CPPED1: variants seen among roughly 807,000 people sequenced by gnomAD.
CPPED1 encodes serine/threonine-protein phosphatase CPPED1.
In CPPED1, 28 loss-of-function variants were observed where a neutral mutation model predicts 28.0. That is an observed-to-expected ratio of 1.00 (90% CI 0.74 to 1.37). The LOEUF is 1.37. Ranked by LOEUF, CPPED1 falls within the 40% of genes most tolerant of loss-of-function variation. The pLI is 0.00. For missense variants in CPPED1, 504 were observed against 416.5 expected (o/e 1.21, Z -1.83); for synonymous variants, 198 against 180.2 (o/e 1.10, Z -0.79).
In CPPED1 at chr16:12,768,045, G is replaced by C. The variant is rs116365737; in HGVS notation, c.289+13140C>G. 4.5e-3 allele frequency among the ~76,000 whole-genome samples: 678 copies of C among 152,256 alleles called. 10 individuals carry two copies. Among genetic ancestry groups the C allele is most frequent in the African/African-American group, 0.015 (640 of 41,558 alleles). ...AAGTTTCATAAAAATTTTCTTTAAA[G>C]ATAAGATTTTCCAGGAAAAGCTGAA... On this transcript the variant is annotated intron_variant, in intron 2 of 3. Coordinates refer to ENST00000381774, the MANE Select transcript of CPPED1 (RefSeq NM_018340.3).
chr16:12,691,893 A>C (rs112921085), intron 3 of CPPED1, among the ~76,000 whole-genome samples: 1 of 140,988 alleles, frequency 7.1e-6, no homozygotes, highest in Non-Finnish European at 1.5e-5. Context: ...CAGCACACCA[A>C]CATGGCACAT....
At chr16:12,791,149 C>T (rs1416423151) in intron 1 of CPPED1, among the ~76,000 whole-genome samples, 1 of 151,608 alleles carries the variant, frequency 6.6e-6, no homozygotes. Context: ...GCTGCCCCAT[C>T]AACCCGTCCT....
intron 2 of CPPED1, among the ~76,000 whole-genome samples, chr16:12,753,635 C>T (rs750122056): frequency 1.3e-5 from 2 of 152,124 alleles, no homozygotes; most frequent in South Asian, 4.2e-4. Context: ...CAAGTCTCAA[C>T]AACCCCAGCC....
At chr16:12,728,749 T>G (rs1195789964) in intron 2 of CPPED1, among the ~76,000 whole-genome samples, 1 of 152,138 alleles carries the variant, frequency 6.6e-6, no homozygotes, top group African/African-American at 2.4e-5. Context: ...TCAAATGAAG[T>G]GAGCTATAAC....
chr16:12,714,031 A>G (rs569837850), intron 2 of CPPED1, among the ~76,000 whole-genome samples: 2 of 152,334 alleles, frequency 1.3e-5, no homozygotes, highest in South Asian at 4.1e-4. Context: ...AGAATCATAT[A>G]AAATGTAGGC....
rs2080419921 is a variant in CPPED1 at position 12,763,185 on chromosome 16, T to C, written c.289+18000A>G. Among the ~76,000 whole-genome samples the C allele has an allele frequency of 2.7e-5, 4 of 150,722 alleles. No homozygotes were observed. The South Asian group carries it at 8.4e-4, about 32-fold the overall frequency. ...AGGCGGAGGGTGCAGTGAGCCGAGA[T>C]GGTGCCATTGCACTCCAGCCTGGGC... On this transcript the variant is annotated intron_variant, in intron 2 of 3. Coordinates refer to ENST00000381774, the MANE Select transcript of CPPED1 (RefSeq NM_018340.3).
intron 2 of CPPED1, among the ~76,000 whole-genome samples, chr16:12,740,147 T>G (rs540761809): frequency 1.5e-4 from 23 of 152,278 alleles, no homozygotes; most frequent in Middle Eastern, 3.4e-3. Flanking sequence ...AGCCCTGCTT[T>G]ATTTAAGATA....
chr16:12,773,361 C>A (rs913117311), intron 2 of CPPED1, among the ~76,000 whole-genome samples: 4 of 152,150 alleles, frequency 2.6e-5, no homozygotes, highest in Non-Finnish European at 5.9e-5. Flanking sequence ...CTGATATACA[C>A]CATTATCAGT....
chr16:12,735,419 C>A (rs1285732144), intron 2 of CPPED1, among the ~76,000 whole-genome samples: 1 of 152,236 alleles, frequency 6.6e-6, no homozygotes, highest in South Asian at 2.1e-4. Flanking sequence ...AGCGTTCCGC[C>A]TCAGCCTCCT....
chr16:12,794,935 C>A (rs953458933), intron 1 of CPPED1, among the ~76,000 whole-genome samples: 1 of 152,202 alleles, frequency 6.6e-6, no homozygotes, highest in East Asian at 1.9e-4. Flanking sequence ...CGTGGCCAGG[C>A]GGCTTTTGGC....
chr16:12,724,815 G>A (rs4780473), intron 2 of CPPED1, among the ~76,000 whole-genome samples: 2 of 152,076 alleles, frequency 1.3e-5, no homozygotes, highest in South Asian at 4.1e-4. Flanking sequence ...GAGACGGAGT[G>A]TCACTCTGTC....
chr16:12,781,228 G>C lies in CPPED1; in HGVS notation c.246C>G (p.Pro82=). The change falls in exon 2 of 4, where the codon CCC becomes CCG. Residue 82 remains proline (P), a synonymous_variant. Transcript: ENST00000381774. ...GGTCGCCGCACAGAACGAAGAATTTGGGTTTGGGGTTCAGCTTGTTGATGG... is the reference window on the plus strand; with the variant it reads ...GGTCGCCGCACAGAACGAAGAATTTCGGTTTGGGGTTCAGCTTGTTGATGG... ...VQAINKLNPK[P]KFFVLCGDLI... 6.2e-7 allele frequency: 1 copy of C among 1,614,106 alleles called. No individual in the cohort carries two copies. Among genetic ancestry groups the C allele is most frequent in the Non-Finnish European group, 8.5e-7 (1 of 1,180,010 alleles).
chr16:12,688,994 G>A (rs1431429103), intron 3 of CPPED1, among the ~76,000 whole-genome samples: 1 of 151,934 alleles, frequency 6.6e-6, no homozygotes, highest in African/African-American at 2.4e-5. Context: ...TTAAGATTTG[G>A]GTCTGTTTAT....
intron 2 of CPPED1, among the ~76,000 whole-genome samples, chr16:12,730,997 T>C (rs1301105827): frequency 6.6e-6 from 1 of 152,048 alleles, no homozygotes; most frequent in African/African-American, 2.4e-5. Context: ...TTGACCACTG[T>C]CCTTCTCACC....
rs2141237365 is a variant in CPPED1, at chr16:12,778,854, C to T, written c.289+2331G>A. On this transcript the variant is annotated intron_variant, in intron 2 of 3. Transcript: ENST00000381774. The stretch of plus-strand genomic sequence containing the variant: ...TTCAATTAAAACCCCAGAAAACAGT[C>T]CAAGTCTCCAGAACAAATTATACAT... Among the ~76,000 whole-genome samples the T allele has an allele frequency of 1.3e-5, 2 of 152,312 alleles. 1 individual carries two copies. The highest frequency in any genetic ancestry group is 4.1e-4 in the South Asian group (2 of 4,830).
chr16:12,704,500 T>A (rs1325918894), intron 3 of CPPED1, 124 bp downstream of exon 3: 1 of 995,172 alleles, frequency 1.0e-6, no homozygotes, highest in African/African-American at 1.6e-5. Flanking sequence ...AGAGCTGGTA[T>A]CAGAACTCCC....
At chr16:12,797,616 T>C (rs2080635453) in intron 1 of CPPED1, among the ~76,000 whole-genome samples, 2 of 152,084 alleles carry the variant, frequency 1.3e-5, no homozygotes, top group African/African-American at 4.8e-5. Context: ...AGCACAGGGA[T>C]TTCCAATCTT....
At chr16:12,752,809 C>T (rs1215266592) in intron 2 of CPPED1, among the ~76,000 whole-genome samples, 1 of 147,734 alleles carries the variant, frequency 6.8e-6, no homozygotes, top group Non-Finnish European at 1.5e-5. Flanking sequence ...TCATCTCTGG[C>T]AAGACATTAC....
In CPPED1 at chr16:12,665,009, G is replaced by C. The variant is rs200764803; in HGVS notation, c.822C>G (p.Asp274Glu). The change falls in exon 4 of 4, where the codon GAC (aspartate) becomes GAG (glutamate). Residue 274 changes from aspartate (D) to glutamate (E), a missense_variant. Coordinates refer to ENST00000381774, the MANE Select transcript of CPPED1 (RefSeq NM_018340.3). ...SSAIGCQLGR[D>E]PHGLRVVVVT... is the part of the protein sequence containing the mutation. ...CCACCACGACTCGGAGCCCGTGGGG[G>C]TCTCTGCCCAGCTGGCATCCAATGG... 2 of 1,610,950 alleles carry C rather than the reference G, an allele frequency of 1.2e-6. No homozygotes were observed. The highest frequency in any genetic ancestry group is 1.7e-6 in the Non-Finnish European group (2 of 1,179,016).
Sources: allele counts gnomAD v4.1 joint callset (sites outside exome capture counted in the v4.1 genomes callset), GRCh38; gene constraint gnomAD v4.1.1; transcripts MANE v1.5; gene names NCBI Gene and HGNC (gene_info 2026-07-23, HGNC 2026-07-21).